The following GALK2 variants were observed in gnomAD, a reference collection of about 807,000 sequenced individuals.
The protein encoded by GALK2 is N-acetylgalactosamine kinase.
GALK2 carries 36 observed loss-of-function variants against 52.4 expected under a neutral mutation model. That is an observed-to-expected ratio of 0.69 (90% confidence interval 0.53 to 0.91). GALK2 has a LOEUF of 0.91. Among genes scored for constraint, GALK2 ranks in the 40% least tolerant of loss-of-function variants. The probability of loss-of-function intolerance (pLI) is 0.00; values close to 1 mark genes in which losing one functional copy is unlikely to be tolerated. For missense variants in GALK2, 579 were observed against 559.1 expected, an observed-to-expected ratio of 1.04 and a Z score of -0.36; for synonymous variants, 176 against 199.1, an observed-to-expected ratio of 0.88 and a Z score of 0.98.
Position 49,262,319 on chromosome 15 carries a change from T to G in GALK2, c.505-19668T>G, listed in dbSNP as rs562901858. 2.7e-3 allele frequency among the ~76,000 whole-genome samples: 404 copies of G among 152,332 alleles called. 3 individuals carry two copies. Among genetic ancestry groups the G allele is most frequent in the South Asian group, 8.1e-3 (39 of 4,828 alleles). On this transcript the variant is annotated intron_variant, in intron 5 of 9. Transcript: ENST00000560031. ...TGGGAGGGTGTATGTGTCGAGGAAT[T>G]TATCCATTTCTTCTGGATTTTCTAG...
intron 2 of GALK2, among the ~76,000 whole-genome samples, chr15:49,211,994 C>T (rs571541141): frequency 2.6e-5 from 4 of 152,252 alleles, no homozygotes; most frequent in Admixed American, 2.0e-4. Context: ...TATAGTTGCT[C>T]ATAATAGTCT....
chr15:49,172,749 C>G (rs574095565), intron 1 of GALK2, among the ~76,000 whole-genome samples: 3 of 151,800 alleles, frequency 2.0e-5, no homozygotes, highest in African/African-American at 7.3e-5. Flanking sequence ...TTTCTGTGTC[C>G]CACTCTTGCA....
intron 6 of GALK2, among the ~76,000 whole-genome samples, chr15:49,282,293 G>A (rs1467530051): frequency 6.6e-6 from 1 of 152,098 alleles, no homozygotes; most frequent in African/African-American, 2.4e-5. Context: ...TTTCTCTTAC[G>A]CTTCCAGAAT....
intron 1 of GALK2, among the ~76,000 whole-genome samples, chr15:49,182,923 T>A (rs2086079750): frequency 6.6e-6 from 1 of 152,190 alleles, no homozygotes; most frequent in African/African-American, 2.4e-5. Flanking sequence ...TTTTTTCTCA[T>A]TCTGTAGGTT....
chr15:49,341,936 T>G (rs2040793650), intron 3 of GALK2, among the ~76,000 whole-genome samples: 1 of 152,232 alleles, frequency 6.6e-6, no homozygotes, highest in African/African-American at 2.4e-5. Flanking sequence ...TTATCAAAAC[T>G]GCTTTATGGC....
intron 3 of GALK2, chr15:49,353,966 C>CA (rs2042650294): frequency 6.6e-6 from 1 of 152,008 alleles, no homozygotes; most frequent in African/African-American, 2.4e-5. Context: ...AATGTGTGTT[C>CA]ATGTGATGAA....
chr15:49,287,742 G>A (rs757576504), intron 7 of GALK2, among the ~76,000 whole-genome samples: 1 of 152,098 alleles, frequency 6.6e-6, no homozygotes, highest in Non-Finnish European at 1.5e-5. Flanking sequence ...GATCAGCTAG[G>A]GCTCCACATG....
intron 3 of GALK2, among the ~76,000 whole-genome samples, chr15:49,357,159 A>G (rs2043297006): frequency 6.7e-6 from 1 of 150,168 alleles, no homozygotes. Context: ...ACACCCTAAC[A>G]TCACAATTAA....
intron 3 of GALK2, among the ~76,000 whole-genome samples, chr15:49,349,698 CTT>C (rs1053586760): frequency 1.3e-5 from 2 of 152,058 alleles, no homozygotes; most frequent in Non-Finnish European, 2.9e-5. Flanking sequence ...CAATTGCAGA[CTT>C]TTATACAGAG....
chr15:49,297,122 A>G (rs923090910), intron 8 of GALK2, among the ~76,000 whole-genome samples: 6 of 152,210 alleles, frequency 3.9e-5, no homozygotes, highest in African/African-American at 1.4e-4. Flanking sequence ...AGTAATAGCC[A>G]TTCTGACTGG....
chr15:49,366,835 C>T (rs894250532), intron 3 of GALK2: 8 of 543,000 alleles, frequency 1.5e-5, no homozygotes, highest in Non-Finnish European at 2.6e-5. Context: ...AGCCCACACT[C>T]TAATTTAGTG....
intron 5 of GALK2, among the ~76,000 whole-genome samples, chr15:49,262,188 C>T (rs1417819808): frequency 1.3e-5 from 2 of 151,942 alleles, no homozygotes; most frequent in African/African-American, 4.8e-5. Flanking sequence ...GCTGTGAATC[C>T]ATCTGGTCCT....
intron 3 of GALK2, among the ~76,000 whole-genome samples, chr15:49,338,320 TG>T (rs2040118577): frequency 6.6e-6 from 1 of 152,234 alleles, no homozygotes. Context: ...AGGGCAGGCC[TG>T]GTGGTGACAA....
chr15:49,224,049 C>T (rs1199758196), intron 3 of GALK2, among the ~76,000 whole-genome samples: 1 of 151,994 alleles, frequency 6.6e-6, no homozygotes. Flanking sequence ...GCCTTGCCAG[C>T]ATCTGTTTCT....
At chr15:49,280,186 G>A (rs79840183) in intron 5 of GALK2, among the ~76,000 whole-genome samples, 3,383 of 152,294 alleles carry the variant, frequency 0.022, 103 homozygotes, top group South Asian at 0.077. Context: ...TAATAACACT[G>A]TGATTCACAG....
Position 49,357,373 on chromosome 15 carries a change from A to G in GALK2, c.427-10118A>G, listed in dbSNP as rs1487364534. 6.7e-4 allele frequency among the ~76,000 whole-genome samples: 100 copies of G among 149,552 alleles called. No homozygotes were observed. In the South Asian group the frequency reaches 0.01, roughly 16 times the overall value. ...AAAGAAAAAAAGAGAGAAGAATCAAATAGACGCAATAAAAAATGATAAAGG... is the reference window on the plus strand; with the variant it reads ...AAAGAAAAAAAGAGAGAAGAATCAAGTAGACGCAATAAAAAATGATAAAGG... On this transcript the variant is annotated intron_variant, in intron 3 of 3. Transcript: ENST00000558399.
chr15:49,342,484 A>T (rs901455871), intron 3 of GALK2, among the ~76,000 whole-genome samples: 5 of 152,270 alleles, frequency 3.3e-5, no homozygotes, highest in Admixed American at 6.5e-5. Flanking sequence ...CTTTTATCCA[A>T]CTTGCAACTC....
rs1207888568 is a variant in GALK2 at position 49,329,725 on chromosome 15, C to T, written c.*1566C>T. On this transcript the variant is annotated 3_prime_UTR_variant, in exon 10 of 10. Coordinates refer to ENST00000560031, the MANE Select transcript of GALK2 (RefSeq NM_002044.4). ...ACCTGAATTTATTTAAATTTATAAT[C>T]CTTTATTTTTTAATACCGTGCCATT... is the stretch of plus-strand genomic sequence containing the variant. The T allele has an allele frequency of 3.1e-6, 3 of 971,778 alleles. No homozygotes were observed. In the South Asian group the frequency reaches 1.4e-4, roughly 46 times the overall value. 60.2% of individuals were successfully genotyped at this position (971,778 alleles called of 1,614,324 possible). A position where few individuals can be genotyped will look rare whatever the true frequency, so the allele number is the denominator to read the frequency against.
intron 3 of GALK2, among the ~76,000 whole-genome samples, chr15:49,228,816 C>T (rs1462780268): frequency 6.8e-6 from 1 of 147,206 alleles, no homozygotes; most frequent in East Asian, 2.0e-4. Flanking sequence ...GTCTCAGCCT[C>T]CCGAGTAGCT....
Sources: allele counts gnomAD v4.1 joint callset (sites outside exome capture counted in the v4.1 genomes callset), GRCh38; gene constraint gnomAD v4.1.1; transcripts MANE v1.5; gene names NCBI Gene and HGNC (gene_info 2026-07-23, HGNC 2026-07-21).